SRGAP1: variants seen among roughly 807,000 people sequenced by gnomAD.
SRGAP1 encodes SLIT-ROBO Rho GTPase-activating protein 1.
SRGAP1 carries 43 observed loss-of-function variants against 121.9 expected under a neutral mutation model. The ratio of observed to expected loss-of-function variants is 0.35; its 90% confidence interval spans 0.28 to 0.46. The LOEUF is 0.46. Among genes scored for constraint, SRGAP1 ranks in the 20% least tolerant of loss-of-function variants. The probability of loss-of-function intolerance (pLI) is 1.00; values close to 1 mark genes in which losing one functional copy is unlikely to be tolerated. For missense variants in SRGAP1, 1,102 were observed against 1,350.9 expected, an observed-to-expected ratio of 0.82 and a Z score of 2.89; for synonymous variants, 447 against 485.4, an observed-to-expected ratio of 0.92 and a Z score of 1.04.
Position 64,132,005 on chromosome 12 carries a change from T to A in SRGAP1, c.2880+3805T>A, listed in dbSNP as rs1252274570. On this transcript the variant is annotated intron_variant, in intron 21 of 21. Coordinates refer to ENST00000355086, the MANE Select transcript of SRGAP1 (RefSeq NM_020762.4). The stretch of plus-strand genomic sequence containing the variant: ...GCCTGACCAATATGGTGAAACCCGA[T>A]CTCTACTAAAAATGCAAAAATTAGC... Among the ~76,000 whole-genome samples the A allele has an allele frequency of 2.0e-5, 3 of 152,290 alleles. No homozygotes were observed. The East Asian group carries it at 5.8e-4, about 29-fold the overall frequency.
At chr12:64,065,970 C>G (rs1233260160) in intron 8 of SRGAP1, among the ~76,000 whole-genome samples, 1 of 152,114 alleles carries the variant, frequency 6.6e-6, no homozygotes, top group Admixed American at 6.5e-5. Context: ...AATTCAGCTG[C>G]CTATTTCTGA....
chr12:64,055,865 A>G (rs1377869656), intron 6 of SRGAP1, among the ~76,000 whole-genome samples: 1 of 152,108 alleles, frequency 6.6e-6, no homozygotes, highest in East Asian at 1.9e-4. Context: ...TCTTGCTTCC[A>G]TGGCTTAAGT....
At chr12:63,928,011 T>C (rs1451919009) in intron 1 of SRGAP1, among the ~76,000 whole-genome samples, 4 of 152,196 alleles carry the variant, frequency 2.6e-5, no homozygotes, top group Admixed American at 2.6e-4. Flanking sequence ...TGCCTTGATG[T>C]CTAACAGAAC....
At chr12:63,900,521 T>C (rs113816438) in intron 1 of SRGAP1, among the ~76,000 whole-genome samples, 12,344 of 151,854 alleles carry the variant, frequency 0.081, 561 homozygotes, top group East Asian at 0.14. Context: ...TTTTCTCTAA[T>C]TAAAAATAGG....
At chr12:63,969,760 C>G (rs2032890590) in intron 1 of SRGAP1, among the ~76,000 whole-genome samples, 1 of 151,574 alleles carries the variant, frequency 6.6e-6, no homozygotes, top group Non-Finnish European at 1.5e-5. Flanking sequence ...TGCCACTGCA[C>G]TCCAGCCTGG....
At chr12:64,063,701 A>G (rs1006554733) in intron 7 of SRGAP1, among the ~76,000 whole-genome samples, 2 of 152,116 alleles carry the variant, frequency 1.3e-5, no homozygotes, top group Non-Finnish European at 2.9e-5. Context: ...AGTTGTTTAT[A>G]TTATTGTCTA....
intron 16 of SRGAP1, among the ~76,000 whole-genome samples, chr12:64,110,967 C>T (rs1423563459): frequency 1.3e-5 from 2 of 152,120 alleles, no homozygotes; most frequent in East Asian, 3.9e-4. Flanking sequence ...CATTTCCTTT[C>T]AAGATTGACA....
chr12:64,125,333 G>C (rs917150315), intron 18 of SRGAP1, among the ~76,000 whole-genome samples: 1 of 151,916 alleles, frequency 6.6e-6, no homozygotes, highest in Non-Finnish European at 1.5e-5. Flanking sequence ...GCAATTTAAG[G>C]CATATTTGTT....
chr12:64,083,485 T>C (rs1378168078), intron 10 of SRGAP1, among the ~76,000 whole-genome samples: 2 of 152,108 alleles, frequency 1.3e-5, no homozygotes, highest in Admixed American at 6.6e-5. Flanking sequence ...TAGATTGGGC[T>C]CTTAAAGTGG....
chr12:63,934,355 T>C (rs906313999), intron 1 of SRGAP1, among the ~76,000 whole-genome samples: 1 of 152,124 alleles, frequency 6.6e-6, no homozygotes, highest in East Asian at 1.9e-4. Context: ...TGGGTTGGCC[T>C]CCCAAGAGAG....
intron 1 of SRGAP1, among the ~76,000 whole-genome samples, chr12:63,866,790 C>G (rs1253921746): frequency 1.3e-5 from 2 of 148,820 alleles, no homozygotes; most frequent in Non-Finnish European, 3.0e-5. Context: ...AAGCATAGTT[C>G]ATAGACCAGT....
chr12:63,953,298 A>C (rs768509235), intron 1 of SRGAP1, among the ~76,000 whole-genome samples: 7 of 150,984 alleles, frequency 4.6e-5, no homozygotes, highest in Non-Finnish European at 1.0e-4. Context: ...TTAAGTTTCT[A>C]TTTTATTTTT....
chr12:64,126,283 G>A (rs2036686384), intron 19 of SRGAP1, 126 bp downstream of exon 19: 1 of 1,083,098 alleles, frequency 9.2e-7, no homozygotes, highest in Non-Finnish European at 1.3e-6. Context: ...TTCAGAGCTA[G>A]GCACAGTTCC....
chr12:64,003,213 A>G (rs905144432), intron 3 of SRGAP1, among the ~76,000 whole-genome samples: 3 of 152,038 alleles, frequency 2.0e-5, no homozygotes, highest in African/African-American at 4.8e-5. Context: ...CAGCCTCCCA[A>G]GTAGCTGGGA....
At chr12:63,924,249 G>A (rs1162355745) in intron 1 of SRGAP1, among the ~76,000 whole-genome samples, 1 of 152,152 alleles carries the variant, frequency 6.6e-6, no homozygotes, top group African/African-American at 2.4e-5. Context: ...TACTTCAGAG[G>A]TTCTTCAAGT....
chr12:64,079,225 A>T, intron 9 of SRGAP1, 109 bp downstream of exon 9: 1 of 1,135,224 alleles, frequency 8.8e-7, no homozygotes, highest in Non-Finnish European at 1.3e-6. Context: ...GTTAAAATAG[A>T]CTCCTGTCTA....
chr12:64,054,032 C>G (rs17711166), intron 6 of SRGAP1, among the ~76,000 whole-genome samples: 6,159 of 152,226 alleles, frequency 0.04, 179 homozygotes, highest in Non-Finnish European at 0.058. Flanking sequence ...CAGTTCCACA[C>G]CTTCAAAATG....
At chr12:64,013,915 A>G (rs1008783345) in intron 3 of SRGAP1, among the ~76,000 whole-genome samples, 54 of 152,324 alleles carry the variant, frequency 3.5e-4, no homozygotes, top group African/African-American at 1.3e-3. Context: ...AGTCAACTCA[A>G]GCCCCTCCTA....
At chr12:63,926,662 A>G (rs1009950548) in intron 1 of SRGAP1, among the ~76,000 whole-genome samples, 1 of 152,200 alleles carries the variant, frequency 6.6e-6, no homozygotes, top group African/African-American at 2.4e-5. Context: ...GTTAATTAAC[A>G]TATCACCTCG....
Sources: gnomAD v4.1 joint callset for allele counts (sites outside exome capture counted in the v4.1 genomes callset) on GRCh38, gnomAD v4.1.1 for gene constraint, MANE v1.5 for transcripts, NCBI Gene and HGNC (gene_info 2026-07-23, HGNC 2026-07-21) for gene names.